RIMBP2: variants seen among roughly 807,000 people sequenced by gnomAD.
The protein encoded by RIMBP2 is RIMS-binding protein 2.
Under a neutral mutation model 118.6 loss-of-function variants are expected in RIMBP2, and 48 were observed. The ratio of observed to expected loss-of-function variants is 0.40; its 90% CI spans 0.32 to 0.51. The LOEUF (loss-of-function observed/expected upper bound fraction) is 0.51, where lower values mean the gene tolerates loss of function less well. RIMBP2 is among the 20% of genes least tolerant of loss of function. The pLI is 0.41. For missense variants in RIMBP2, 1,551 were observed against 1,768.3 expected, an observed-to-expected ratio of 0.88 and a Z score of 2.20; for synonymous variants, 762 against 742.9, an observed-to-expected ratio of 1.03 and a Z score of -0.42.
chr12:130,699,796 C>A (rs999059599), intron 1 of RIMBP2, among the ~76,000 whole-genome samples: 1 of 150,290 alleles, frequency 6.7e-6, no homozygotes, highest in African/African-American at 2.4e-5. Context: ...ATCCCAGCTA[C>A]TCGGGAGGCT....
At chr12:130,624,974 C>G (rs1372250553) in intron 2 of RIMBP2, among the ~76,000 whole-genome samples, 1 of 152,148 alleles carries the variant, frequency 6.6e-6, no homozygotes, top group Non-Finnish European at 1.5e-5. Flanking sequence ...CCGCCCACGT[C>G]GGCCTCCCAA....
intron 2 of RIMBP2, among the ~76,000 whole-genome samples, chr12:130,524,808 A>G (rs961824146): frequency 6.6e-6 from 1 of 152,146 alleles, no homozygotes; most frequent in African/African-American, 2.4e-5. Context: ...CGGGTACAGG[A>G]GTTATTAAAG....
intron 2 of RIMBP2, among the ~76,000 whole-genome samples, chr12:130,560,967 G>A (rs1032125510): frequency 3.9e-5 from 6 of 152,228 alleles, no homozygotes; most frequent in Non-Finnish European, 8.8e-5. Flanking sequence ...CTGGAGCAGG[G>A]TGGGCCCCTG....
chr12:130,710,268 C>A lies in RIMBP2; in HGVS notation c.-352+5954G>T, dbSNP rs1200374363. The stretch of plus-strand genomic sequence containing the variant: ...CTCTGGCTCCTTCTCAGGGTCCTGT[C>A]TCAGCTTCAACGCCACCTCCTCCCT... On this transcript the variant is annotated intron_variant, in intron 1 of 22. Coordinates refer to ENST00000690449, the MANE Select transcript of RIMBP2 (RefSeq NM_001393629.1). The surrounding 1 kb of genome is among the most constrained non-coding windows in gnomAD (Gnocchi z 4.3). 1.3e-5 allele frequency among the ~76,000 whole-genome samples: 2 copies of A among 152,152 alleles called. No individual in the cohort carries two copies. Among genetic ancestry groups the A allele is most frequent in the East Asian group, 1.9e-4 (1 of 5,170 alleles).
intron 2 of RIMBP2, among the ~76,000 whole-genome samples, chr12:130,518,143 T>C (rs2051671836): frequency 2.6e-5 from 4 of 152,172 alleles, no homozygotes; most frequent in Admixed American, 2.6e-4. Flanking sequence ...GATTAGAATA[T>C]AATACAATAA....
intron 4 of RIMBP2, among the ~76,000 whole-genome samples, chr12:130,498,289 G>A (rs116382573): frequency 2.6e-5 from 4 of 152,358 alleles, no homozygotes; most frequent in Admixed American, 2.0e-4. Flanking sequence ...TCGGTTCAGC[G>A]AGGCAATCTG....
At chr12:130,665,096 C>T (rs1222035829) in intron 1 of RIMBP2, among the ~76,000 whole-genome samples, 1 of 151,782 alleles carries the variant, frequency 6.6e-6, no homozygotes, top group Admixed American at 6.6e-5. Context: ...CCTACCACAA[C>T]TCCTGGCTAC....
intron 1 of RIMBP2, among the ~76,000 whole-genome samples, chr12:130,705,092 A>C (rs1593043791): frequency 6.6e-6 from 1 of 152,200 alleles, no homozygotes; most frequent in Admixed American, 6.5e-5. Context: ...CTCTGCCAGC[A>C]CCGGCTGCCT....
intron 15 of RIMBP2, chr12:130,427,684 G>C (rs2076882065): frequency 6.6e-6 from 1 of 152,630 alleles, no homozygotes; most frequent in Non-Finnish European, 1.5e-5. Context: ...GGTGTGATCA[G>C]ATGTGGGACA....
chr12:130,702,547 AGAAGGAAGGAAGGAAGGAAG>A (rs57904486), intron 1 of RIMBP2, among the ~76,000 whole-genome samples: 23 of 141,856 alleles, frequency 1.6e-4, no homozygotes, highest in South Asian at 2.4e-4. Flanking sequence ...AAAACAAGAA[AGAAGGAAGGAAGGAAGGAAG>A]GAAGGAAGGA....
intron 2 of RIMBP2, among the ~76,000 whole-genome samples, chr12:130,524,293 T>C (rs561805699): frequency 4.5e-4 from 69 of 152,276 alleles, no homozygotes; most frequent in African/African-American, 1.6e-3. Flanking sequence ...CTTTGTCCTC[T>C]ACCTGTGGTT....
rs774346465 is a variant in RIMBP2, at chr12:130,434,820, C to G, written c.2167G>C (p.Glu723Gln). The change falls in exon 14 of 23, where the codon GAG (glutamate) becomes CAG (glutamine). Residue 723 changes from glutamate (E) to glutamine (Q), a missense_variant. By Grantham distance (29) the Glu-to-Gln change is conservative. This residue lies in a region of RIMBP2 where 1,038 missense variants were observed against 1,125.1 expected (regional missense o/e 0.92). Coordinates refer to ENST00000690449, the MANE Select transcript of RIMBP2 (RefSeq NM_001393629.1). The surrounding 1 kb of genome is among the most constrained non-coding windows in gnomAD (Gnocchi z 5.7). ...TCTGGAGAGTCATAGGCGTCCTCCT[C>G]GTCTGAGGCGGCGTACTGCCCCGCG... ...SSAGQYAASDEEDAYDSPDFK... is the reference protein window; with the variant it reads ...SSAGQYAASDQEDAYDSPDFK... The G allele has an allele frequency of 6.2e-7, 1 of 1,613,786 alleles. No individual in the cohort carries two copies. The highest frequency in any genetic ancestry group is 8.5e-7 in the Non-Finnish European group (1 of 1,180,012).
At chr12:130,530,273 T>C (rs1164370680) in intron 2 of RIMBP2, among the ~76,000 whole-genome samples, 2 of 152,136 alleles carry the variant, frequency 1.3e-5, no homozygotes, top group African/African-American at 2.4e-5. Flanking sequence ...CCCTAGGGAT[T>C]TGCAAGGGTA....
chr12:130,544,758 C>G (rs1042114584), intron 2 of RIMBP2, among the ~76,000 whole-genome samples: 1 of 151,970 alleles, frequency 6.6e-6, no homozygotes, highest in Non-Finnish European at 1.5e-5. Context: ...TACCACCACA[C>G]CCCGCTATTT....
At chr12:130,458,693 T>C (rs1250799862) in intron 6 of RIMBP2, among the ~76,000 whole-genome samples, 2 of 151,760 alleles carry the variant, frequency 1.3e-5, no homozygotes, top group Non-Finnish European at 2.9e-5. Flanking sequence ...TTCTAACATG[T>C]GACAGGGAAC....
intron 2 of RIMBP2, among the ~76,000 whole-genome samples, chr12:130,602,053 C>T (rs892364426): frequency 3.9e-5 from 6 of 152,168 alleles, no homozygotes; most frequent in African/African-American, 1.4e-4. Context: ...AATCCCAATA[C>T]TTTCAGAGGC....
chr12:130,635,180 T>G (rs1271166419), intron 1 of RIMBP2, among the ~76,000 whole-genome samples: 2 of 152,186 alleles, frequency 1.3e-5, no homozygotes, highest in African/African-American at 4.8e-5. Context: ...GCAGTTCATT[T>G]TCTCCACATC....
chr12:130,682,725 T>G (rs2064854760), intron 1 of RIMBP2, among the ~76,000 whole-genome samples: 1 of 152,202 alleles, frequency 6.6e-6, no homozygotes, highest in South Asian at 2.1e-4. Context: ...GTCCAGTCAC[T>G]CAGGCATTAG....
At chr12:130,566,655 C>T (rs112423945) in intron 2 of RIMBP2, among the ~76,000 whole-genome samples, 1,861 of 152,308 alleles carry the variant, frequency 0.012, 38 homozygotes, top group African/African-American at 0.042. Context: ...GCTGAGCCTC[C>T]GGACTCTGCA....
Sources: allele counts gnomAD v4.1 joint callset (sites outside exome capture counted in the v4.1 genomes callset), GRCh38; gene constraint gnomAD v4.1.1; regional missense constraint gnomAD v4.1.1; non-coding constraint Gnocchi (gnomAD v3.1); transcripts MANE v1.5; gene names NCBI Gene and HGNC (gene_info 2026-07-23, HGNC 2026-07-21).